CTNNB1: variants seen among roughly 807,000 people sequenced by gnomAD.
The protein encoded by CTNNB1 is catenin beta 1, also known as catenin beta-1.
Under a neutral mutation model 82.5 loss-of-function variants are expected in CTNNB1, and 6 were observed. That is an observed-to-expected ratio of 0.07 (90% CI 0.04 to 0.14). The LOEUF is 0.14. CTNNB1 is among the 10% of genes least tolerant of loss of function. CTNNB1 has a pLI of 1.00. For synonymous variants in CTNNB1, 312 were observed against 329.7 expected (o/e 0.95, Z 0.58); for missense variants, 529 against 980.4 (o/e 0.54, Z 6.15).
chr3:41,226,220 G>C (rs1190652683), intron 6 of CTNNB1, among the ~76,000 whole-genome samples: 1 of 152,164 alleles, frequency 6.6e-6, no homozygotes, highest in Non-Finnish European at 1.5e-5. Context: ...GTTCATTTCT[G>C]TTCTTTTAAA....
intron 1 of CTNNB1, among the ~76,000 whole-genome samples, chr3:41,207,071 T>A (rs1252025960): frequency 6.6e-6 from 1 of 152,180 alleles, no homozygotes; most frequent in African/African-American, 2.4e-5. Context: ...ATCGTAGTTG[T>A]CCCCCGTTGA....
chr3:41,235,903 C>T (rs2078424925), intron 11 of CTNNB1, 60 bp downstream of exon 11: 2 of 1,586,046 alleles, frequency 1.3e-6, no homozygotes, highest in South Asian at 2.2e-5. Context: ...ATTGTAATGA[C>T]TAATAACATT....
intron 1 of CTNNB1, among the ~76,000 whole-genome samples, chr3:41,219,947 T>A (rs1247526771): frequency 2.6e-5 from 4 of 152,188 alleles, no homozygotes; most frequent in African/African-American, 9.7e-5. Context: ...GATGATAATA[T>A]TTTATAATAG....
chr3:41,212,326 C>G (rs1387297854), intron 1 of CTNNB1, among the ~76,000 whole-genome samples: 4 of 152,002 alleles, frequency 2.6e-5, no homozygotes, highest in Non-Finnish European at 5.9e-5. Flanking sequence ...ATCACCCAAC[C>G]TTTTTTTTCC....
At chr3:41,232,643 G>T (rs573794731) in intron 7 of CTNNB1, among the ~76,000 whole-genome samples, 1 of 151,992 alleles carries the variant, frequency 6.6e-6, no homozygotes, top group South Asian at 2.1e-4. Context: ...CCATTTAAGG[G>T]TCCTAAAGGA....
chr3:41,227,634 A>G lies in CTNNB1; in HGVS notation c.1081+282A>G, dbSNP rs191318904. 2.7e-3 allele frequency among the ~76,000 whole-genome samples: 418 copies of G among 152,250 alleles called. 2 individuals are homozygous for G. The highest frequency in any genetic ancestry group is 9.0e-3 in the African/African-American group (373 of 41,492). ...GTTTTGAGTAAACCTAAGATTTGCT[A>G]ACAGAGCTGTGAATTTATAGGAGAA... On this transcript the variant is annotated intron_variant, in intron 7 of 14. Coordinates refer to ENST00000349496, the MANE Select transcript of CTNNB1 (RefSeq NM_001904.4).
chr3:41,233,980 G>C (rs763047359), intron 9 of CTNNB1, 113 bp downstream of exon 9: 2 of 1,424,006 alleles, frequency 1.4e-6, no homozygotes, highest in Non-Finnish European at 2.0e-6. Flanking sequence ...GTATTCCTTA[G>C]TAAGTAGGAA....
At chr3:41,208,965 TA>T (rs1414114364) in intron 1 of CTNNB1, among the ~76,000 whole-genome samples, 1 of 152,226 alleles carries the variant, frequency 6.6e-6, no homozygotes, top group Non-Finnish European at 1.5e-5. Flanking sequence ...TTGCTTTATG[TA>T]CTCCCGTTTT....
chr3:41,212,252 G>A (rs553972627), intron 1 of CTNNB1, among the ~76,000 whole-genome samples: 5 of 152,186 alleles, frequency 3.3e-5, no homozygotes, highest in Admixed American at 6.5e-5. Flanking sequence ...CCCTGATAGC[G>A]GGACAGCCAG....
At position 41,224,038 on chromosome 3, in the gene CTNNB1, A is replaced by G. The variant is rs1180333770; in HGVS notation, c.-31A>G. 184 of 1,612,314 alleles carry G rather than the reference A, an allele frequency of 1.1e-4. 1 individual carries two copies. The highest frequency in any genetic ancestry group is 1.5e-4 in the Non-Finnish European group (181 of 1,178,494). On this transcript the variant is annotated 5_prime_UTR_variant, in exon 2 of 15. Transcript: ENST00000349496. ...TTTTTTAGGGTATTTGAAGTATACCATACAACTGTTTTGAAAATCCAGCGT... is the reference window on the plus strand; with the variant it reads ...TTTTTTAGGGTATTTGAAGTATACCGTACAACTGTTTTGAAAATCCAGCGT...
intron 7 of CTNNB1, among the ~76,000 whole-genome samples, chr3:41,229,885 T>TGC (rs1165599165): frequency 6.6e-6 from 1 of 151,338 alleles, no homozygotes; most frequent in Non-Finnish European, 1.5e-5. Flanking sequence ...TCTGTGTGTG[T>TGC]GTGTGTGTGT....
intron 10 of CTNNB1, chr3:41,235,399 G>A (rs2078411353): frequency 2.8e-6 from 1 of 352,790 alleles, no homozygotes; most frequent in African/African-American, 2.1e-5. Context: ...CATAGTCTGA[G>A]CATTACTTTC....
At chr3:41,230,519 C>A (rs140191926) in intron 7 of CTNNB1, among the ~76,000 whole-genome samples, 1 of 152,128 alleles carries the variant, frequency 6.6e-6, no homozygotes, top group African/African-American at 2.4e-5. Context: ...TTGGGTAACA[C>A]AACAGATAGG....
intron 6 of CTNNB1, among the ~76,000 whole-genome samples, chr3:41,226,851 A>G (rs929052143): frequency 6.6e-6 from 1 of 152,156 alleles, no homozygotes; most frequent in Non-Finnish European, 1.5e-5. Flanking sequence ...TCTGGTTCAA[A>G]TTTTCAGTGA....
chr3:41,217,242 T>C (rs1559462808), intron 1 of CTNNB1, among the ~76,000 whole-genome samples: 2 of 152,186 alleles, frequency 1.3e-5, no homozygotes, highest in Non-Finnish European at 2.9e-5. Context: ...ATGAAATGTC[T>C]CTTCCTCACA....
chr3:41,224,385 A>G (rs1247111845), intron 2 of CTNNB1, 141 bp from the exon 3 acceptor site: 7 of 907,118 alleles, frequency 7.7e-6, no homozygotes, highest in Non-Finnish European at 1.2e-5. Context: ...AACCCTGGCT[A>G]TCATTCTGCT....
intron 1 of CTNNB1, among the ~76,000 whole-genome samples, chr3:41,204,878 ATTAGGTT>A (rs2077613292): frequency 1.3e-5 from 2 of 152,216 alleles, no homozygotes; most frequent in African/African-American, 4.8e-5. Context: ...TTGTTAAATT[ATTAGGTT>A]TGTATTTATT....
Position 41,238,044 on chromosome 3 carries a change from C to A in CTNNB1, c.2105C>A (p.Ala702Asp). The change falls in exon 14 of 15, where the codon GCC (alanine) becomes GAC (aspartate). Residue 702 changes from alanine (A) to aspartate (D), a missense_variant. This residue lies in a region of CTNNB1 where 102 missense variants were observed against 130.8 expected (regional missense o/e 0.78). Transcript: ENST00000349496. ...GCTGATCTTGGACTTGATATTGGTG[C>A]CCAGGGAGAACCCCTTGGATATCGC... is the stretch of plus-strand genomic sequence containing the variant. Reference protein sequence around the residue: ...ETADLGLDIGAQGEPLGYRQD... With the variant: ...ETADLGLDIGDQGEPLGYRQD... 1.9e-6 allele frequency: 3 copies of A among 1,613,764 alleles called. No homozygotes were observed. In the South Asian group the frequency reaches 3.3e-5, roughly 18 times the overall value.
At chr3:41,237,446 C>CACAA (rs1242434619) in intron 13 of CTNNB1, 1 of 65,264 alleles carries the variant, frequency 1.5e-5, no homozygotes, top group African/African-American at 6.6e-5. Flanking sequence ...GACTCCAACA[C>CACAA]AAAAAAAAAA....
Sources: gnomAD v4.1 joint callset for allele counts (sites outside exome capture counted in the v4.1 genomes callset) on GRCh38, gnomAD v4.1.1 for gene constraint, gnomAD v4.1.1 regional missense constraint, MANE v1.5 for transcripts, NCBI Gene and HGNC (gene_info 2026-07-23, HGNC 2026-07-21) for gene names.